SCRN1: variants seen among roughly 807,000 people sequenced by gnomAD.
SCRN1 encodes the protein secernin-1.
SCRN1 carries 19 observed loss-of-function variants against 43.3 expected under a neutral mutation model. That is an observed-to-expected ratio of 0.44 (90% CI 0.31 to 0.64). The LOEUF (loss-of-function observed/expected upper bound fraction) is 0.64. Among genes scored for constraint, SCRN1 ranks in the 30% least tolerant of loss-of-function variants. SCRN1 has a pLI of 0.09. For missense variants in SCRN1, 447 were observed against 524.1 expected (o/e 0.85, Z 1.44); for synonymous variants, 183 against 188.9 (o/e 0.97, Z 0.26).
chr7:29,954,986 A>AT (rs979435423), intron 3 of SCRN1, among the ~76,000 whole-genome samples, 193 bp downstream of exon 3: 13 of 151,704 alleles, frequency 8.6e-5, no homozygotes, highest in East Asian at 5.8e-4. Flanking sequence ...CAGCCACTTG[A>AT]TTTTTTTTTA....
chr7:29,977,208 A>G (rs773951648), intron 1 of SCRN1, among the ~76,000 whole-genome samples: 1 of 152,364 alleles, frequency 6.6e-6, no homozygotes, highest in East Asian at 1.9e-4. Flanking sequence ...ACTTACGTAA[A>G]GAATGAAACC....
chr7:29,925,968 T>G lies in SCRN1; in HGVS notation c.1086+484A>C, dbSNP rs889078407. ...GATTGACCATTTAAAAACTTTAAAATGTATAGTTCAGTGCATTAAGCTCAT... is the reference window on the plus strand; with the variant it reads ...GATTGACCATTTAAAAACTTTAAAAGGTATAGTTCAGTGCATTAAGCTCAT... On this transcript the variant is annotated intron_variant, in intron 7 of 7. Coordinates refer to ENST00000242059, the MANE Select transcript of SCRN1 (RefSeq NM_014766.5). Among the ~76,000 whole-genome samples the G allele has an allele frequency of 3.3e-5, 5 of 152,064 alleles. No homozygotes were observed. The South Asian group carries it at 1.0e-3, about 32-fold the overall frequency.
intron 1 of SCRN1, among the ~76,000 whole-genome samples, chr7:29,978,973 T>C (rs994549156): frequency 6.6e-6 from 1 of 152,268 alleles, no homozygotes; most frequent in Non-Finnish European, 1.5e-5. Context: ...CATTTATTCA[T>C]AGGTAACTAA....
At chr7:29,942,736 G>C (rs573603159) in intron 4 of SCRN1, among the ~76,000 whole-genome samples, 1 of 152,158 alleles carries the variant, frequency 6.6e-6, no homozygotes, top group South Asian at 2.1e-4. Flanking sequence ...GAAACTCTCC[G>C]TGATTGCTGA....
At chr7:29,930,526 C>T (rs753356795) in intron 6 of SCRN1, among the ~76,000 whole-genome samples, 15 of 152,230 alleles carry the variant, frequency 9.9e-5, no homozygotes, top group Non-Finnish European at 1.9e-4. Context: ...GTCTCCACCA[C>T]CTACAATTAG....
chr7:29,940,231 G>A (rs1400187018), intron 5 of SCRN1, among the ~76,000 whole-genome samples: 1 of 152,150 alleles, frequency 6.6e-6, no homozygotes, highest in Non-Finnish European at 1.5e-5. Flanking sequence ...GGCAGACGGA[G>A]TGGCAAGAAT....
At chr7:29,986,465 C>A (rs1459750361) in intron 1 of SCRN1, among the ~76,000 whole-genome samples, 1 of 151,942 alleles carries the variant, frequency 6.6e-6, no homozygotes, top group Non-Finnish European at 1.5e-5. Flanking sequence ...CTCAGCATAT[C>A]TCAATACAAA....
At position 29,950,566 on chromosome 7, in the gene SCRN1, C is replaced by T. The variant is rs1787887960; in HGVS notation, c.341+4613G>A. Among the ~76,000 whole-genome samples the T allele has an allele frequency of 6.6e-6, 1 of 152,212 alleles. No individual in the cohort carries two copies. Among genetic ancestry groups the T allele is most frequent in the South Asian group, 2.1e-4 (1 of 4,826 alleles). ...CTAGTTCCGGGTGGAGTACGCAGCC[C>T]AGAGTGAGAACTTATGGTGCTTTTT... On this transcript the variant is annotated intron_variant, in intron 3 of 7. Coordinates refer to ENST00000242059, the MANE Select transcript of SCRN1 (RefSeq NM_014766.5). This position sits in a 1 kb window ranked among gnomAD's most constrained non-coding sequence, Gnocchi z 4.5.
intron 6 of SCRN1, among the ~76,000 whole-genome samples, chr7:29,930,524 C>T (rs936470823): frequency 3.3e-5 from 5 of 152,184 alleles, no homozygotes; most frequent in African/African-American, 1.2e-4. Flanking sequence ...CTGTCTCCAC[C>T]ACCTACAATT....
chr7:29,931,648 G>C (rs930620618), intron 6 of SCRN1, among the ~76,000 whole-genome samples: 4 of 152,186 alleles, frequency 2.6e-5, no homozygotes, highest in African/African-American at 9.7e-5. Context: ...AGCCAACAGT[G>C]TTGTCCTCAA....
Position 29,986,388 on chromosome 7 carries a change from AAATT to A in SCRN1, c.-2+3250_-2+3253del, listed in dbSNP as rs529286674. ...GTTACTTCAATATAAAATCAATATA[AAATT>A]ATTAATGATATTTTAAATTCTTTCT... On this transcript the variant is annotated intron_variant, in intron 1 of 7. Transcript: ENST00000242059. Among the ~76,000 whole-genome samples, 794 of 152,326 alleles carry A rather than the reference AAATT, an allele frequency of 5.2e-3. 8 individuals carry two copies. Among genetic ancestry groups the A allele is most frequent in the Non-Finnish European group, 8.9e-3 (603 of 68,028 alleles).
intron 1 of SCRN1, among the ~76,000 whole-genome samples, chr7:29,986,826 G>C (rs1338128249): frequency 6.7e-6 from 1 of 148,564 alleles, no homozygotes; most frequent in Admixed American, 6.9e-5. Context: ...CCGGGTTCAA[G>C]CGATTCTCCT....
At chr7:29,940,203 A>G (rs568329105) in intron 5 of SCRN1, among the ~76,000 whole-genome samples, 84 of 151,498 alleles carry the variant, frequency 5.5e-4, no homozygotes, top group Middle Eastern at 3.4e-3. Context: ...AATAAATAAA[A>G]TAAGTTAGTA....
intron 1 of SCRN1, 158 bp from the exon 2 acceptor site, chr7:29,969,226 G>T: frequency 1.3e-6 from 1 of 775,798 alleles, no homozygotes; most frequent in Non-Finnish European, 2.0e-6. Context: ...AAGGTGGGAC[G>T]CCTGCAGTGG....
rs114451273 is a variant in SCRN1 at position 29,939,200 on chromosome 7, G to A, written c.739+1482C>T. ...AGTGTTCTAGATTAAGAGTCAGGAA[G>A]CATTTTCCTTCTTTTTTGTTTTTTT... On this transcript the variant is annotated intron_variant, in intron 5 of 7. Coordinates refer to ENST00000242059, the MANE Select transcript of SCRN1 (RefSeq NM_014766.5). Among the ~76,000 whole-genome samples the A allele has an allele frequency of 3.4e-3, 523 of 152,150 alleles. 6 individuals are homozygous for A. Among genetic ancestry groups the A allele is most frequent in the African/African-American group, 0.012 (500 of 41,500 alleles).
intron 6 of SCRN1, among the ~76,000 whole-genome samples, chr7:29,934,144 C>T (rs1787247405): frequency 6.6e-6 from 1 of 152,208 alleles, no homozygotes; most frequent in Non-Finnish European, 1.5e-5. Flanking sequence ...TGGAAGATAA[C>T]AACGAATGTC....
intron 7 of SCRN1, 54 bp from the exon 8 acceptor site, chr7:29,924,169 A>C: frequency 6.4e-7 from 1 of 1,556,256 alleles, no homozygotes; most frequent in Non-Finnish European, 8.7e-7. Context: ...GGGACATTGC[A>C]GCGGACACTG....
rs1393512009 is a variant in SCRN1, at chr7:29,921,963, T to C, written c.*1994A>G. On this transcript the variant is annotated 3_prime_UTR_variant, in exon 8 of 8. Transcript: ENST00000242059. ...TGAGATTTTAGAGCAGCTTTCTGTATCATCTTGCTTTACATAGCCACTTGG... is the reference window on the plus strand; with the variant it reads ...TGAGATTTTAGAGCAGCTTTCTGTACCATCTTGCTTTACATAGCCACTTGG... 1 of 152,182 alleles carries C rather than the reference T, an allele frequency of 6.6e-6. No homozygotes were observed. Among genetic ancestry groups the C allele is most frequent in the Non-Finnish European group, 1.5e-5 (1 of 68,032 alleles). 9.4% of individuals were successfully genotyped at this position (152,182 alleles called of 1,614,324 possible).
In SCRN1 at chr7:29,984,865, G is replaced by T. The variant is rs1183387355; in HGVS notation, c.-2+4777C>A. Among the ~76,000 whole-genome samples the T allele has an allele frequency of 1.4e-5, 2 of 139,280 alleles. 1 individual carries two copies. Among genetic ancestry groups the T allele is most frequent in the Non-Finnish European group, 3.1e-5 (2 of 64,372 alleles). The allele number at this position is 139,280 out of a possible 152,430, so 91.4% of individuals were successfully genotyped here. A position where few individuals can be genotyped will look rare whatever the true frequency, so the allele number is the denominator to read the frequency against. On this transcript the variant is annotated intron_variant, in intron 1 of 7. Coordinates refer to ENST00000242059, the MANE Select transcript of SCRN1 (RefSeq NM_014766.5). Reference sequence around the variant, plus strand: ...GAACCTGGGGCAGAGGTTGCAGTGAGCCGAGATAGCACCACTGTACTCCAG... The same window carrying T: ...GAACCTGGGGCAGAGGTTGCAGTGATCCGAGATAGCACCACTGTACTCCAG...
Sources: gnomAD v4.1 joint callset for allele counts (sites outside exome capture counted in the v4.1 genomes callset) on GRCh38, gnomAD v4.1.1 for gene constraint, Gnocchi (gnomAD v3.1) non-coding constraint, MANE v1.5 for transcripts, NCBI Gene and HGNC (gene_info 2026-07-23, HGNC 2026-07-21) for gene names.